CREB5: variants seen among roughly 807,000 people sequenced by gnomAD.
CREB5 encodes cyclic AMP-responsive element-binding protein 5.
Under a neutral mutation model 57.1 loss-of-function variants are expected in CREB5, and 19 were observed. The observed-to-expected ratio is 0.33, with a 90% CI of 0.23 to 0.49. The LOEUF is 0.49. CREB5 is among the 20% of genes least tolerant of loss of function. CREB5 has a pLI of 0.99. For missense variants in CREB5, 579 were observed against 671.6 expected, an observed-to-expected ratio of 0.86 and a Z score of 1.52; for synonymous variants, 238 against 238.3, an observed-to-expected ratio of 1.00 and a Z score of 0.01.
intron 1 of CREB5, among the ~76,000 whole-genome samples, chr7:28,322,507 C>T (rs762700617): frequency 2.9e-4 from 44 of 152,064 alleles, no homozygotes; most frequent in Non-Finnish European, 5.0e-4. Context: ...TACACATGTG[C>T]CATGGTGGTT....
chr7:28,416,716 C>T (rs543662504), intron 1 of CREB5, among the ~76,000 whole-genome samples: 15 of 152,292 alleles, frequency 9.8e-5, no homozygotes, highest in African/African-American at 3.1e-4. Context: ...ACTGTCAGAA[C>T]GCTGGGGGCC....
At chr7:28,376,271 CTT>C (rs11386292) in intron 1 of CREB5, among the ~76,000 whole-genome samples, 6 of 130,552 alleles carry the variant, frequency 4.6e-5, no homozygotes, top group Admixed American at 2.4e-4. Context: ...CAGAGAAGTA[CTT>C]TTTTTTTTTT....
chr7:28,752,105 T>A (rs1805011920), intron 7 of CREB5, among the ~76,000 whole-genome samples: 1 of 152,248 alleles, frequency 6.6e-6, no homozygotes, highest in Non-Finnish European at 1.5e-5. Flanking sequence ...TTAACCCTGA[T>A]CACCTGTTTA....
chr7:28,588,746 C>T (rs190730715), intron 5 of CREB5, among the ~76,000 whole-genome samples: 3 of 152,250 alleles, frequency 2.0e-5, no homozygotes, highest in Admixed American at 2.0e-4. Context: ...CAATGTGCGG[C>T]GATGTTGAAA....
At chr7:28,735,082 G>T (rs1429175778) in intron 7 of CREB5, among the ~76,000 whole-genome samples, 1 of 151,988 alleles carries the variant, frequency 6.6e-6, no homozygotes, top group African/African-American at 2.4e-5. Context: ...CTAAATGCAT[G>T]ATTTAAAATA....
chr7:28,352,913 T>TACACA (rs1323761849), intron 1 of CREB5, among the ~76,000 whole-genome samples: 1 of 152,214 alleles, frequency 6.6e-6, no homozygotes, highest in African/African-American at 2.4e-5. Flanking sequence ...ATTCAGACTT[T>TACACA]ACACGTGTTC....
intron 1 of CREB5, among the ~76,000 whole-genome samples, chr7:28,317,683 T>A (rs921870002): frequency 1.3e-5 from 2 of 152,240 alleles, no homozygotes; most frequent in African/African-American, 4.8e-5. Context: ...AGAATTAAAT[T>A]AGGTAATCTA....
At chr7:28,499,283 T>A (rs1792180920) in intron 3 of CREB5, among the ~76,000 whole-genome samples, 2 of 151,780 alleles carry the variant, frequency 1.3e-5, no homozygotes, top group South Asian at 4.2e-4. Context: ...AAACAAAAAT[T>A]CAAATGGAGC....
At chr7:28,339,168 C>T (rs923672967) in intron 1 of CREB5, among the ~76,000 whole-genome samples, 3 of 152,036 alleles carry the variant, frequency 2.0e-5, no homozygotes, top group Non-Finnish European at 2.9e-5. Flanking sequence ...CCTGAATGGT[C>T]TTGATGCTTG....
chr7:28,765,034 G>T (rs965610781), intron 7 of CREB5, among the ~76,000 whole-genome samples: 3 of 152,112 alleles, frequency 2.0e-5, no homozygotes, highest in African/African-American at 7.2e-5. Context: ...CTAGAATATG[G>T]ATCACCAAAA....
At chr7:28,617,936 T>C (rs1327558398) in intron 5 of CREB5, among the ~76,000 whole-genome samples, 2 of 152,214 alleles carry the variant, frequency 1.3e-5, no homozygotes, top group African/African-American at 2.4e-5. Context: ...AAGCCATTCC[T>C]TATAAGCTAG....
chr7:28,577,514 T>C (rs1795949816), intron 5 of CREB5, among the ~76,000 whole-genome samples: 1 of 152,170 alleles, frequency 6.6e-6, no homozygotes. Context: ...CTCTACTAGT[T>C]TGGCATGCAT....
chr7:28,401,786 C>T (rs1787469493), intron 1 of CREB5, among the ~76,000 whole-genome samples: 1 of 152,172 alleles, frequency 6.6e-6, no homozygotes, highest in African/African-American at 2.4e-5. Flanking sequence ...TGTATAGTGC[C>T]ACATTTTGTT....
chr7:28,713,492 G>A (rs1213959869), intron 5 of CREB5, among the ~76,000 whole-genome samples: 1 of 152,080 alleles, frequency 6.6e-6, no homozygotes, highest in Non-Finnish European at 1.5e-5. Flanking sequence ...TTCTATTTGG[G>A]GTTTAGTCAT....
chr7:28,677,045 G>T (rs921819916), intron 5 of CREB5, among the ~76,000 whole-genome samples: 92 of 152,168 alleles, frequency 6.0e-4, no homozygotes, highest in African/African-American at 2.2e-3. Context: ...AGTCACTATA[G>T]CCAATGTCTA....
intron 1 of CREB5, among the ~76,000 whole-genome samples, chr7:28,309,326 T>C (rs901287765): frequency 6.6e-6 from 1 of 152,202 alleles, no homozygotes; most frequent in African/African-American, 2.4e-5. Flanking sequence ...GCTTAATAAA[T>C]ACAGGTGAAA....
chr7:28,321,084 A>G (rs1402340926), intron 1 of CREB5, among the ~76,000 whole-genome samples: 1 of 152,196 alleles, frequency 6.6e-6, no homozygotes, highest in African/African-American at 2.4e-5. Flanking sequence ...CAATGATAGA[A>G]CTTGTCTCAA....
chr7:28,791,553 A>G (rs1807711720), intron 7 of CREB5, among the ~76,000 whole-genome samples: 1 of 152,204 alleles, frequency 6.6e-6, no homozygotes, highest in Admixed American at 6.5e-5. Flanking sequence ...CTATATCTCC[A>G]AAAGGTAGGG....
chr7:28,661,900 A>T (rs1448071097), intron 5 of CREB5, among the ~76,000 whole-genome samples: 5 of 152,258 alleles, frequency 3.3e-5, no homozygotes, highest in African/African-American at 4.8e-5. Flanking sequence ...TTCCTGTAAC[A>T]ATCTGCAAAC....
Sources: allele counts gnomAD v4.1 joint callset (sites outside exome capture counted in the v4.1 genomes callset), GRCh38; gene constraint gnomAD v4.1.1; transcripts MANE v1.5; gene names NCBI Gene and HGNC (gene_info 2026-07-23, HGNC 2026-07-21).